HOMER1: variants seen among roughly 807,000 people sequenced by gnomAD.
HOMER1 encodes homer protein homolog 1.
In HOMER1, 3 loss-of-function variants were observed where a neutral mutation model predicts 48.9. The ratio of observed to expected loss-of-function variants is 0.06; its 90% CI spans 0.03 to 0.16. The LOEUF (loss-of-function observed/expected upper bound fraction) is 0.16. HOMER1 is among the 10% of genes least tolerant of loss of function. The probability of loss-of-function intolerance (pLI) is 1.00; values close to 1 mark genes in which losing one functional copy is unlikely to be tolerated. For missense variants in HOMER1, 247 were observed against 411.4 expected (o/e 0.60, Z 3.46); for synonymous variants, 134 against 146.4 (o/e 0.92, Z 0.61).
At chr5:79,476,938 T>C (rs779850132) in intron 1 of HOMER1, among the ~76,000 whole-genome samples, 13 of 152,202 alleles carry the variant, frequency 8.5e-5, no homozygotes, top group Non-Finnish European at 1.6e-4. Flanking sequence ...CTGTGCACAT[T>C]CCTTCTCTAG....
chr5:79,452,754 T>C (rs1046417390), intron 2 of HOMER1, among the ~76,000 whole-genome samples: 2 of 152,198 alleles, frequency 1.3e-5, no homozygotes, highest in Non-Finnish European at 2.9e-5. Flanking sequence ...TCCACTGTTA[T>C]ATGAGAGCCC....
intron 5 of HOMER1, among the ~76,000 whole-genome samples, chr5:79,426,457 A>G (rs962990223): frequency 6.6e-6 from 1 of 152,148 alleles, no homozygotes; most frequent in African/African-American, 2.4e-5. Context: ...ATGGAGTACG[A>G]TTCTGCCATA....
intron 1 of HOMER1, among the ~76,000 whole-genome samples, chr5:79,468,268 G>A (rs895799366): frequency 6.6e-6 from 1 of 152,122 alleles, no homozygotes; most frequent in African/African-American, 2.4e-5. Context: ...GGAACAACCT[G>A]GGTATGTGAA....
intron 1 of HOMER1, among the ~76,000 whole-genome samples, chr5:79,460,710 A>G (rs1258633660): frequency 2.0e-5 from 3 of 152,168 alleles, no homozygotes; most frequent in Non-Finnish European, 4.4e-5. Flanking sequence ...GGCTGTCACA[A>G]TGAGGGAAAC....
At chr5:79,410,049 TTC>T (rs1396637968) in intron 5 of HOMER1, among the ~76,000 whole-genome samples, 1 of 152,216 alleles carries the variant, frequency 6.6e-6, no homozygotes, top group Non-Finnish European at 1.5e-5. Flanking sequence ...TCAAATAATT[TTC>T]TTTTTACAAT....
intron 8 of HOMER1, among the ~76,000 whole-genome samples, chr5:79,393,031 G>A (rs1749294844): frequency 6.6e-6 from 1 of 151,096 alleles, no homozygotes; most frequent in South Asian, 2.1e-4. Flanking sequence ...TAGCCAAAAT[G>A]ACATTTGGGG....
At chr5:79,396,045 C>T (rs549311223) in intron 8 of HOMER1, among the ~76,000 whole-genome samples, 1 of 152,190 alleles carries the variant, frequency 6.6e-6, no homozygotes, top group African/African-American at 2.4e-5. Context: ...ATTGAGGCAC[C>T]TAACGCTGAG....
intron 8 of HOMER1, among the ~76,000 whole-genome samples, chr5:79,391,443 T>A (rs1310666004): frequency 6.6e-6 from 1 of 151,214 alleles, no homozygotes; most frequent in Non-Finnish European, 1.5e-5. Context: ...ATCTTTTTTT[T>A]TTTATGTATG....
rs1023460314 is a variant in HOMER1 at position 79,375,100 on chromosome 5, G to C, written c.*909C>G. On this transcript the variant is annotated 3_prime_UTR_variant, in exon 9 of 9. Transcript: ENST00000334082. ...TGAAATGCATTGATCATTCAGAAAAGATTTCTTGCAAAATATATAAATAAA... is the reference window on the plus strand; with the variant it reads ...TGAAATGCATTGATCATTCAGAAAACATTTCTTGCAAAATATATAAATAAA... The C allele has an allele frequency of 1.3e-5, 2 of 152,024 alleles. No homozygotes were observed. Among genetic ancestry groups the C allele is most frequent in the African/African-American group, 4.8e-5 (2 of 41,408 alleles). The allele number at this position is 152,024 out of a possible 1,614,324, so 9.4% of individuals were successfully genotyped here.
At chr5:79,376,875 C>CA (rs976441436) in intron 8 of HOMER1, among the ~76,000 whole-genome samples, 35 of 151,752 alleles carry the variant, frequency 2.3e-4, no homozygotes, top group African/African-American at 6.5e-4. Flanking sequence ...TTCATGACAA[C>CA]AAAAAAAACA....
chr5:79,448,005 C>T (rs1467535254), intron 3 of HOMER1, among the ~76,000 whole-genome samples: 2 of 152,172 alleles, frequency 1.3e-5, no homozygotes, highest in Non-Finnish European at 2.9e-5. Flanking sequence ...TAAACGAACT[C>T]TGATTTCATT....
chr5:79,397,385 T>C (rs1749416127), intron 7 of HOMER1, 142 bp downstream of exon 7: 1 of 639,470 alleles, frequency 1.6e-6, no homozygotes, highest in South Asian at 1.9e-5. Flanking sequence ...GCAAGCTTAA[T>C]ACCACTCAAG....
At chr5:79,430,248 T>TCACTA (rs1195057051) in intron 5 of HOMER1, among the ~76,000 whole-genome samples, 1 of 151,996 alleles carries the variant, frequency 6.6e-6, no homozygotes, top group East Asian at 1.9e-4. Context: ...TACCCACAAG[T>TCACTA]CACTAATAAG....
chr5:79,433,001 A>C (rs1750465767), intron 5 of HOMER1, among the ~76,000 whole-genome samples: 1 of 152,196 alleles, frequency 6.6e-6, no homozygotes, highest in African/African-American at 2.4e-5. Flanking sequence ...CTACAACTTA[A>C]ATTTTTCACC....
chr5:79,459,069 G>GT (rs1217624781), intron 1 of HOMER1, among the ~76,000 whole-genome samples: 1 of 152,168 alleles, frequency 6.6e-6, no homozygotes, highest in Admixed American at 6.5e-5. Flanking sequence ...AGGAAGGGAG[G>GT]TAAGACACTA....
rs935157503 is a variant in HOMER1, at chr5:79,502,296, A to G, written c.5+10474T>C. Among the ~76,000 whole-genome samples, 4 of 151,754 alleles carry G rather than the reference A, an allele frequency of 2.6e-5. 1 individual carries two copies. Among genetic ancestry groups the G allele is most frequent in the African/African-American group, 9.7e-5 (4 of 41,282 alleles). On this transcript the variant is annotated intron_variant, in intron 1 of 8. Coordinates refer to ENST00000334082, the MANE Select transcript of HOMER1 (RefSeq NM_004272.5). ...GCCTCCCAAAGTGCTGGGATTACAG[A>G]CGTGAGCCACCGCGCCCAGCCAGTC...
chr5:79,511,825 G>A (rs977501035), intron 1 of HOMER1, among the ~76,000 whole-genome samples: 9 of 152,194 alleles, frequency 5.9e-5, no homozygotes, highest in African/African-American at 1.9e-4. Context: ...GAATTGCAGA[G>A]TCCATTCTTT....
At chr5:79,424,177 G>A (rs896063045) in intron 5 of HOMER1, among the ~76,000 whole-genome samples, 1 of 151,852 alleles carries the variant, frequency 6.6e-6, no homozygotes, top group African/African-American at 2.4e-5. Context: ...TTTAATATTT[G>A]CTTTCTATAA....
chr5:79,501,598 T>A (rs759352083), intron 1 of HOMER1, among the ~76,000 whole-genome samples: 45 of 152,354 alleles, frequency 3.0e-4, no homozygotes, highest in Non-Finnish European at 3.1e-4. Context: ...AACTCACCTA[T>A]AAGAAACTAA....
Sources: allele counts gnomAD v4.1 joint callset (sites outside exome capture counted in the v4.1 genomes callset), GRCh38; gene constraint gnomAD v4.1.1; transcripts MANE v1.5; gene names NCBI Gene and HGNC (gene_info 2026-07-23, HGNC 2026-07-21).